The following LDB2 variants were observed in gnomAD, a reference collection of about 807,000 sequenced individuals.
LDB2 encodes the protein LIM domain binding 2.
A neutral mutation model predicts 44.3 loss-of-function variants in LDB2; 12 were observed. The observed-to-expected ratio is 0.27, with a 90% confidence interval of 0.17 to 0.44. LDB2 has a LOEUF of 0.44. Among genes scored for constraint, LDB2 ranks in the 20% least tolerant of loss-of-function variants. The pLI, the probability that LDB2 is intolerant of heterozygous loss-of-function variation, is 1.00. For missense variants in LDB2, 344 were observed against 473.5 expected, an observed-to-expected ratio of 0.73 and a Z score of 2.54; for synonymous variants, 164 against 174.8, an observed-to-expected ratio of 0.94 and a Z score of 0.49.
intron 2 of LDB2, among the ~76,000 whole-genome samples, chr4:16,613,940 A>G (rs922084207): frequency 1.3e-5 from 2 of 152,272 alleles, no homozygotes; most frequent in East Asian, 3.8e-4. Flanking sequence ...TATGGAATCA[A>G]AGAAGACCTT....
At chr4:16,514,686 G>C (rs1275511663) in intron 5 of LDB2, among the ~76,000 whole-genome samples, 2 of 152,140 alleles carry the variant, frequency 1.3e-5, no homozygotes, top group African/African-American at 4.8e-5. Flanking sequence ...AACAACACAA[G>C]GAATATGCAC....
intron 6 of LDB2, among the ~76,000 whole-genome samples, chr4:16,509,136 A>G (rs1353364103): frequency 6.6e-6 from 1 of 152,170 alleles, no homozygotes; most frequent in Non-Finnish European, 1.5e-5. Flanking sequence ...AACTTTAAAT[A>G]GCCAAATTCA....
Position 16,662,313 on chromosome 4 carries a change from T to C in LDB2, c.236-66438A>G, listed in dbSNP as rs142488939. On this transcript the variant is annotated intron_variant, in intron 2 of 7. Coordinates refer to ENST00000304523, the MANE Select transcript of LDB2 (RefSeq NM_001290.5). ...AACACAGAAGACACTCAGTAATCAT[T>C]TGTTGAAAGATGAAAATAAACAAAG... Among the ~76,000 whole-genome samples the C allele has an allele frequency of 2.0e-3, 299 of 152,184 alleles. 3 individuals carry two copies. Among genetic ancestry groups the C allele is most frequent in the African/African-American group, 6.9e-3 (286 of 41,526 alleles).
intron 2 of LDB2, among the ~76,000 whole-genome samples, chr4:16,617,808 A>AT (rs1333490479): frequency 3.3e-5 from 5 of 152,282 alleles, no homozygotes; most frequent in South Asian, 4.1e-4. Context: ...GCATAGGAAG[A>AT]TTTTTTCTAC....
chr4:16,562,344 A>G (rs1742691479), intron 5 of LDB2, among the ~76,000 whole-genome samples: 1 of 152,338 alleles, frequency 6.6e-6, no homozygotes, highest in Admixed American at 6.5e-5. Context: ...AATATCCAGA[A>G]TCTACAATGT....
intron 2 of LDB2, among the ~76,000 whole-genome samples, chr4:16,738,396 G>A (rs746607835): frequency 4.6e-5 from 7 of 152,198 alleles, no homozygotes; most frequent in Non-Finnish European, 1.0e-4. Flanking sequence ...GGAAGAGGAG[G>A]AGGAGGAAGG....
chr4:16,776,280 C>T (rs1377265328), intron 1 of LDB2, among the ~76,000 whole-genome samples: 1 of 152,176 alleles, frequency 6.6e-6, no homozygotes, highest in African/African-American at 2.4e-5. Context: ...CCAAAGAGGT[C>T]CTACCAGAAC....
intron 1 of LDB2, among the ~76,000 whole-genome samples, chr4:16,834,811 A>G (rs1042240701): frequency 6.6e-6 from 1 of 150,966 alleles, no homozygotes; most frequent in Non-Finnish European, 1.5e-5. Context: ...TGGGTGACAG[A>G]GCAAGATTCC....
chr4:16,825,183 T>C (rs1405792209), intron 1 of LDB2, among the ~76,000 whole-genome samples: 2 of 152,188 alleles, frequency 1.3e-5, no homozygotes, highest in Non-Finnish European at 2.9e-5. Context: ...ACCTGTTTCA[T>C]AGTATAATGA....
chr4:16,749,991 TA>T (rs1765180038), intron 2 of LDB2, among the ~76,000 whole-genome samples: 1 of 152,126 alleles, frequency 6.6e-6, no homozygotes, highest in South Asian at 2.1e-4. Context: ...TTGTACTTTT[TA>T]TATTTTTTAA....
chr4:16,604,983 A>G (rs754296592), intron 2 of LDB2, among the ~76,000 whole-genome samples: 1 of 152,228 alleles, frequency 6.6e-6, no homozygotes, highest in Non-Finnish European at 1.5e-5. Context: ...ATGCTAAGTT[A>G]GAAAGATAAG....
At chr4:16,535,085 A>G (rs1038506271) in intron 5 of LDB2, among the ~76,000 whole-genome samples, 3 of 152,200 alleles carry the variant, frequency 2.0e-5, no homozygotes, top group South Asian at 2.1e-4. Flanking sequence ...AGGCTTTTCC[A>G]TGCATCTGGA....
At chr4:16,747,904 A>G (rs1478918576) in intron 2 of LDB2, among the ~76,000 whole-genome samples, 1 of 152,214 alleles carries the variant, frequency 6.6e-6, no homozygotes, top group South Asian at 2.1e-4. Context: ...CAGTGTAACA[A>G]CCTCATCCTG....
In LDB2 at chr4:16,829,385, C is replaced by T. The variant is rs189237164; in HGVS notation, c.132+68969G>A. Among the ~76,000 whole-genome samples the T allele has an allele frequency of 3.9e-5, 6 of 152,112 alleles. No individual in the cohort carries two copies. In the East Asian group the frequency reaches 9.7e-4, roughly 24 times the overall value. ...ACACAAATAAACAGGGAGAAAATAA[C>T]GAACAAAAGAAAGAGACAATGCAGA... On this transcript the variant is annotated intron_variant, in intron 1 of 7. Coordinates refer to ENST00000304523, the MANE Select transcript of LDB2 (RefSeq NM_001290.5).
intron 2 of LDB2, among the ~76,000 whole-genome samples, chr4:16,699,947 T>C (rs567318611): frequency 7.9e-5 from 12 of 152,316 alleles, no homozygotes; most frequent in African/African-American, 1.4e-4. Flanking sequence ...AAATTTGAAT[T>C]TCAGATAAAC....
intron 2 of LDB2, among the ~76,000 whole-genome samples, chr4:16,746,521 T>C (rs1764420586): frequency 6.6e-6 from 1 of 152,180 alleles, no homozygotes; most frequent in African/African-American, 2.4e-5. Flanking sequence ...GTGCAGTGGA[T>C]CATGCCTGTA....
intron 2 of LDB2, among the ~76,000 whole-genome samples, chr4:16,742,350 C>G (rs371183119): frequency 5.9e-5 from 9 of 152,038 alleles, no homozygotes; most frequent in African/African-American, 1.4e-4. Flanking sequence ...GATTACAGGC[C>G]TTAGCCACCG....
chr4:16,665,271 T>TC (rs1395230719), intron 2 of LDB2, among the ~76,000 whole-genome samples: 1 of 146,290 alleles, frequency 6.8e-6, no homozygotes, highest in East Asian at 2.0e-4. Flanking sequence ...TTCATTTCTT[T>TC]TTTTTTTTTT....
intron 1 of LDB2, among the ~76,000 whole-genome samples, chr4:16,848,078 C>A (rs1298446020): frequency 6.6e-6 from 1 of 152,074 alleles, no homozygotes; most frequent in Non-Finnish European, 1.5e-5. Flanking sequence ...TTGATGAATG[C>A]TGAAAGGTAT....
Sources: allele counts gnomAD v4.1 joint callset (sites outside exome capture counted in the v4.1 genomes callset), GRCh38; gene constraint gnomAD v4.1.1; transcripts MANE v1.5; gene names NCBI Gene and HGNC (gene_info 2026-07-23, HGNC 2026-07-21).